The following VGLL3 variants were observed in gnomAD, a reference collection of about 807,000 sequenced individuals.
The protein encoded by VGLL3 is transcription cofactor vestigial-like protein 3.
A neutral mutation model predicts 29.2 loss-of-function variants in VGLL3; 18 were observed. That is an observed-to-expected ratio of 0.62 (90% confidence interval 0.43 to 0.91). The LOEUF is 0.91. VGLL3 is among the 40% of genes least tolerant of loss of function. VGLL3 has a pLI of 0.00. For synonymous variants in VGLL3, 180 were observed against 151.8 expected (o/e 1.19, Z -1.36); for missense variants, 440 against 413.2 (o/e 1.06, Z -0.56).
intron 3 of VGLL3, among the ~76,000 whole-genome samples, chr3:86,966,001 AG>A (rs1704950513): frequency 2.0e-5 from 3 of 152,160 alleles, no homozygotes; most frequent in Non-Finnish European, 4.4e-5. Context: ...TCCCAAAGAT[AG>A]AGAGATGTAA....
chr3:86,968,309 TC>T (rs1332094979), intron 3 of VGLL3, among the ~76,000 whole-genome samples: 5 of 152,202 alleles, frequency 3.3e-5, no homozygotes, highest in African/African-American at 4.8e-5. Flanking sequence ...TGGGCTCATT[TC>T]TTTTTAAACA....
intron 3 of VGLL3, among the ~76,000 whole-genome samples, chr3:86,949,434 T>C (rs1156702230): frequency 6.6e-6 from 1 of 152,128 alleles, no homozygotes; most frequent in African/African-American, 2.4e-5. Context: ...TTGCTTTAAT[T>C]ACCAGGCATT....
chr3:86,990,235 A>G (rs1705550038), intron 1 of VGLL3: 1 of 920,320 alleles, frequency 1.1e-6, no homozygotes, highest in Admixed American at 6.2e-5. Flanking sequence ...CCTCATCAAT[A>G]AAACCCTGAA....
chr3:86,947,528 T>G (rs1704532211), intron 3 of VGLL3, among the ~76,000 whole-genome samples: 1 of 152,174 alleles, frequency 6.6e-6, no homozygotes, highest in African/African-American at 2.4e-5. Flanking sequence ...TATTTTGAAA[T>G]GTACTCCACA....
intron 1 of VGLL3, among the ~76,000 whole-genome samples, chr3:86,988,313 C>T (rs892358985): frequency 4.0e-5 from 6 of 151,892 alleles, no homozygotes; most frequent in East Asian, 1.9e-4. Flanking sequence ...AGGCAAGATG[C>T]TATTAGGGGT....
chr3:86,985,820 C>T (rs1047523412), intron 1 of VGLL3, among the ~76,000 whole-genome samples: 3 of 152,076 alleles, frequency 2.0e-5, no homozygotes, highest in Non-Finnish European at 4.4e-5. Context: ...TTATCTATTA[C>T]AAGATATATT....
At position 86,942,058 on chromosome 3, in the gene VGLL3, C is replaced by T. The variant is rs1704410932; in HGVS notation, c.*4966G>A. The T allele has an allele frequency of 6.6e-6, 1 of 151,996 alleles. No homozygotes were observed. The highest frequency in any genetic ancestry group is 1.5e-5 in the Non-Finnish European group (1 of 68,000). The allele number at this position is 151,996 out of a possible 1,614,324, so 9.4% of individuals were successfully genotyped here. On this transcript the variant is annotated 3_prime_UTR_variant, in exon 4 of 4. Transcript: ENST00000398399. Reference sequence around the variant, plus strand: ...AATGATTTTAATAACAGTTTCAATGCTTTAATAATAGATTTAAAGGGCACT... The same window carrying T: ...AATGATTTTAATAACAGTTTCAATGTTTTAATAATAGATTTAAAGGGCACT...
At chr3:86,983,274 C>T (rs923277867) in intron 1 of VGLL3, among the ~76,000 whole-genome samples, 2 of 152,120 alleles carry the variant, frequency 1.3e-5, no homozygotes, top group Admixed American at 6.5e-5. Flanking sequence ...CTTTCATATT[C>T]AAAAACATGA....
rs1413245128 is a variant in VGLL3, at chr3:86,944,439, G to C, written c.*2585C>G. ...TTTTCAGAAATTTTTTGTAGGGATAGGGTCTCCCTATGTTGCCTAGGCTGA... is the reference window on the plus strand; with the variant it reads ...TTTTCAGAAATTTTTTGTAGGGATACGGTCTCCCTATGTTGCCTAGGCTGA... On this transcript the variant is annotated 3_prime_UTR_variant, in exon 4 of 4. Transcript: ENST00000398399. 1 of 152,402 alleles carries C rather than the reference G, an allele frequency of 6.6e-6. No homozygotes were observed. Among genetic ancestry groups the C allele is most frequent in the Non-Finnish European group, 1.5e-5 (1 of 68,234 alleles). The allele number at this position is 152,402 out of a possible 1,614,324, so 9.4% of individuals were successfully genotyped here. A position where few individuals can be genotyped will look rare whatever the true frequency, so the allele number is the denominator to read the frequency against.
chr3:86,966,810 T>TGTATATATATAC, intron 3 of VGLL3, among the ~76,000 whole-genome samples: 1 of 124,342 alleles, frequency 8.0e-6, no homozygotes, highest in Non-Finnish European at 1.7e-5. Flanking sequence ...TATATATATA[T>TGTATATATATAC]ATATATATAT....
rs1704312033 is a variant in VGLL3 at position 86,937,984 on chromosome 3, T to G, written c.*9040A>C. The G allele has an allele frequency of 6.6e-6, 1 of 152,136 alleles. No individual in the cohort carries two copies. The highest frequency in any genetic ancestry group is 1.5e-5 in the Non-Finnish European group (1 of 68,022). The allele number at this position is 152,136 out of a possible 1,614,324, so 9.4% of individuals were successfully genotyped here. On this transcript the variant is annotated 3_prime_UTR_variant, in exon 4 of 4. Transcript: ENST00000398399. ...AAGAACCTCGTTGATTGAAGCCAAT[T>G]TTTTTTATTGTTGGTGTAATTTGTT...
chr3:86,978,988 A>T (rs1705270162), intron 1 of VGLL3, among the ~76,000 whole-genome samples, 186 bp from the exon 2 acceptor site: 1 of 152,228 alleles, frequency 6.6e-6, no homozygotes, highest in Non-Finnish European at 1.5e-5. Flanking sequence ...ACACTAAAAA[A>T]AATACAACAA....
intron 3 of VGLL3, among the ~76,000 whole-genome samples, chr3:86,958,333 A>T (rs1271901792): frequency 6.6e-6 from 1 of 152,210 alleles, no homozygotes. Flanking sequence ...TTAAAATACT[A>T]AAACTCTAAT....
intron 3 of VGLL3, among the ~76,000 whole-genome samples, chr3:86,956,660 C>A (rs1704729055): frequency 6.6e-6 from 1 of 152,002 alleles, no homozygotes; most frequent in Non-Finnish European, 1.5e-5. Context: ...TTGGCGGCGC[C>A]TGTAGTCCCA....
At chr3:86,955,899 C>G (rs1288599451) in intron 3 of VGLL3, among the ~76,000 whole-genome samples, 1 of 152,186 alleles carries the variant, frequency 6.6e-6, no homozygotes, top group African/African-American at 2.4e-5. Flanking sequence ...CCCAGCATAT[C>G]AGACTGTAAC....
Position 86,944,182 on chromosome 3 carries a change from C to CT in VGLL3, c.*2841dup, listed in dbSNP as rs1704458196. ...TTATAGAGACATGCTCATTCTCTTT[C>CT]TATGTATATTTTTGATCCACTCCCT... On this transcript the variant is annotated 3_prime_UTR_variant, in exon 4 of 4. Transcript: ENST00000398399. 1 of 152,120 alleles carries CT rather than the reference C, an allele frequency of 6.6e-6. No individual in the cohort carries two copies. The highest frequency in any genetic ancestry group is 2.1e-4 in the South Asian group (1 of 4,824). The allele number at this position is 152,120 out of a possible 1,614,324, so 9.4% of individuals were successfully genotyped here. A position where few individuals can be genotyped will look rare whatever the true frequency, so the allele number is the denominator to read the frequency against.
chr3:86,970,911 T>C (rs1705088127), intron 2 of VGLL3, among the ~76,000 whole-genome samples: 1 of 152,218 alleles, frequency 6.6e-6, no homozygotes, highest in African/African-American at 2.4e-5. Context: ...AAATGAAGTA[T>C]TTGAACTCAT....
chr3:86,951,875 C>T (rs916845359), intron 3 of VGLL3, among the ~76,000 whole-genome samples: 3 of 152,022 alleles, frequency 2.0e-5, no homozygotes, highest in Admixed American at 1.3e-4. Flanking sequence ...CCCAGATGAG[C>T]GTCTTGCAGG....
At chr3:86,990,583 C>T in intron 1 of VGLL3, 35 bp downstream of exon 1, 1 of 1,317,484 alleles carries the variant, frequency 7.6e-7, no homozygotes, top group East Asian at 2.8e-5. Flanking sequence ...GCCCTTCGCC[C>T]CCGCCCCCAG....
Sources: gnomAD v4.1 joint callset for allele counts (sites outside exome capture counted in the v4.1 genomes callset) on GRCh38, gnomAD v4.1.1 for gene constraint, MANE v1.5 for transcripts, NCBI Gene and HGNC (gene_info 2026-07-23, HGNC 2026-07-21) for gene names.